The following CHODL variants were observed in gnomAD, a reference collection of about 807,000 sequenced individuals.
CHODL encodes chondrolectin.
CHODL carries 29 observed loss-of-function variants against 34.5 expected under a neutral mutation model. That is an observed-to-expected ratio of 0.84 (90% CI 0.63 to 1.15). CHODL has a LOEUF of 1.15. CHODL is among the 50% of genes most tolerant of loss of function. The pLI is 0.00. For missense variants in CHODL, 332 were observed against 332.5 expected (o/e 1.00, Z 0.01); for synonymous variants, 125 against 116.1 (o/e 1.08, Z -0.49).
intron 2 of CHODL, among the ~76,000 whole-genome samples, chr21:18,038,043 ATT>A (rs150132427): frequency 6.6e-6 from 1 of 151,546 alleles, no homozygotes; most frequent in Non-Finnish European, 1.5e-5. Context: ...CAGCTTTACA[ATT>A]TTTTTTAATC....
chr21:18,109,203 T>C (rs1205108072), intron 2 of CHODL, among the ~76,000 whole-genome samples: 3 of 152,186 alleles, frequency 2.0e-5, no homozygotes, highest in African/African-American at 7.2e-5. Context: ...ATGAAAATCA[T>C]CTCAATCTCC....
chr21:18,153,912 G>C (rs533092918), intron 2 of CHODL, among the ~76,000 whole-genome samples: 1 of 152,248 alleles, frequency 6.6e-6, no homozygotes, highest in African/African-American at 2.4e-5. Flanking sequence ...AGGTGGGGCA[G>C]TGCAGTGACA....
chr21:18,060,737 A>G (rs1451622629), intron 2 of CHODL, among the ~76,000 whole-genome samples: 1 of 150,408 alleles, frequency 6.6e-6, no homozygotes, highest in Non-Finnish European at 1.5e-5. Flanking sequence ...AGCAAGCAGA[A>G]AAGGGAGTTT....
chr21:17,962,969 CAGG>C (rs1475578245), intron 1 of CHODL, among the ~76,000 whole-genome samples: 1 of 151,208 alleles, frequency 6.6e-6, no homozygotes, highest in Non-Finnish European at 1.5e-5. Context: ...GAGGATGAGG[CAGG>C]AGAATGGCAT....
chr21:17,929,169 T>C (rs1435801263), intron 1 of CHODL, among the ~76,000 whole-genome samples: 1 of 152,246 alleles, frequency 6.6e-6, no homozygotes, highest in Admixed American at 6.5e-5. Context: ...AATAAACATA[T>C]ATTGCAGAAA....
chr21:18,105,675 C>G (rs1267939997), intron 2 of CHODL, among the ~76,000 whole-genome samples: 2 of 152,064 alleles, frequency 1.3e-5, no homozygotes, highest in Admixed American at 1.3e-4. Context: ...AGCTAGGAAA[C>G]CAGGTACAGA....
intron 2 of CHODL, among the ~76,000 whole-genome samples, chr21:18,207,659 C>CTTTTTT (rs34259143): frequency 0.026 from 1,477 of 55,858 alleles, 102 homozygotes; most frequent in African/African-American, 0.054. Flanking sequence ...AATCTCTCAG[C>CTTTTTT]TTTTTTTTTT....
At chr21:18,063,232 G>A (rs530363688) in intron 2 of CHODL, among the ~76,000 whole-genome samples, 12 of 152,250 alleles carry the variant, frequency 7.9e-5, no homozygotes, top group African/African-American at 2.9e-4. Context: ...CAATGTAGAA[G>A]AACTGCTGGT....
intron 1 of CHODL, among the ~76,000 whole-genome samples, chr21:17,980,201 C>T (rs1486521876): frequency 1.3e-5 from 2 of 151,002 alleles, no homozygotes; most frequent in East Asian, 3.9e-4. Context: ...TGAAATGGAT[C>T]CAGTTTCTCC....
rs1483083621 is a variant in CHODL at position 18,094,780 on chromosome 21, T to A, written c.-45+66809T>A. On this transcript the variant is annotated intron_variant, in intron 2 of 6. Coordinates refer to the CHODL transcript ENST00000400127. ...AAAGCTTAAATAACCTAATAGCACA[T>A]CTTAATAAACTGGAAAAACAAGAGG... Among the ~76,000 whole-genome samples the A allele has an allele frequency of 1.3e-4, 19 of 142,366 alleles. 1 individual carries two copies. The highest frequency in any genetic ancestry group is 4.6e-4 in the African/African-American group (18 of 39,142). The allele number at this position is 142,366 out of a possible 152,430, so 93.4% of individuals were successfully genotyped here.
At chr21:18,247,161 C>T (rs2074151088) in intron 1 of CHODL, among the ~76,000 whole-genome samples, 1 of 152,044 alleles carries the variant, frequency 6.6e-6, no homozygotes. Flanking sequence ...TGAAGCCTGA[C>T]ATTTTTGTAG....
At chr21:18,009,341 A>G (rs1286584349) in intron 1 of CHODL, among the ~76,000 whole-genome samples, 1 of 152,220 alleles carries the variant, frequency 6.6e-6, no homozygotes, top group African/African-American at 2.4e-5. Flanking sequence ...AAAGGAAACG[A>G]AAAATAAAAC....
chr21:18,150,486 A>G (rs1391485356), intron 2 of CHODL, among the ~76,000 whole-genome samples: 2 of 152,118 alleles, frequency 1.3e-5, no homozygotes, highest in Non-Finnish European at 2.9e-5. Flanking sequence ...GTATCCCAAG[A>G]TCACAATGCC....
intron 2 of CHODL, among the ~76,000 whole-genome samples, chr21:18,176,657 A>G (rs1433326897): frequency 6.6e-6 from 1 of 152,186 alleles, no homozygotes; most frequent in Non-Finnish European, 1.5e-5. Flanking sequence ...TCCAAAGATT[A>G]AAAACTATTG....
intron 2 of CHODL, among the ~76,000 whole-genome samples, chr21:18,123,722 G>A (rs1171607221): frequency 6.6e-6 from 1 of 151,922 alleles, no homozygotes; most frequent in Non-Finnish European, 1.5e-5. Flanking sequence ...ACTTCTTAAG[G>A]CCTCACCTCC....
intron 2 of CHODL, among the ~76,000 whole-genome samples, chr21:18,234,291 C>T (rs553757096): frequency 1.3e-5 from 2 of 152,210 alleles, no homozygotes; most frequent in African/African-American, 4.8e-5. Flanking sequence ...TAGGCCCTCT[C>T]TTGGAAGGTT....
chr21:18,151,356 G>T (rs1372123931), intron 2 of CHODL, among the ~76,000 whole-genome samples: 12 of 152,052 alleles, frequency 7.9e-5, no homozygotes, highest in Non-Finnish European at 1.8e-4. Flanking sequence ...AGGCCCAAAA[G>T]ATAGTGTTCA....
intron 2 of CHODL, among the ~76,000 whole-genome samples, chr21:18,159,461 T>C (rs751520186): frequency 1.3e-5 from 2 of 152,212 alleles, no homozygotes; most frequent in Non-Finnish European, 2.9e-5. Context: ...CTCAGTTTTA[T>C]AGGAGAACTT....
intron 1 of CHODL, among the ~76,000 whole-genome samples, chr21:17,962,408 G>C (rs2063538654): frequency 6.6e-6 from 1 of 152,190 alleles, no homozygotes; most frequent in Non-Finnish European, 1.5e-5. Context: ...CTGAAAGGCA[G>C]TTTTATCATG....
Sources: allele counts gnomAD v4.1 joint callset (sites outside exome capture counted in the v4.1 genomes callset), GRCh38; gene constraint gnomAD v4.1.1; transcripts MANE v1.5; gene names NCBI Gene and HGNC (gene_info 2026-07-23, HGNC 2026-07-21).